SMIM14: variants seen among roughly 807,000 people sequenced by gnomAD.
SMIM14 encodes the protein chromosome 4 open reading frame 34.
Under a neutral mutation model 12.6 loss-of-function variants are expected in SMIM14, and 5 were observed. That is an observed-to-expected ratio of 0.40 (90% CI 0.21 to 0.83). The LOEUF is 0.83. SMIM14 is among the 40% of genes least tolerant of loss of function. SMIM14 has a pLI of 0.37. For synonymous variants in SMIM14, 30 were observed against 40.1 expected (o/e 0.75, Z 0.95); for missense variants, 86 against 119.1 (o/e 0.72, Z 1.29).
At chr4:39,593,098 C>T (rs1191991736) in intron 2 of SMIM14, 1 of 151,290 alleles carries the variant, frequency 6.6e-6, no homozygotes, top group African/African-American at 2.4e-5. Flanking sequence ...GAGACACAAC[C>T]AAAAAAGAGA....
intron 2 of SMIM14, chr4:39,593,500 A>G (rs1198873993): frequency 1.3e-5 from 2 of 152,212 alleles, no homozygotes; most frequent in Non-Finnish European, 2.9e-5. Flanking sequence ...GCACAAGACA[A>G]GGATGCCTTC....
intron 1 of SMIM14, 149 bp from the exon 2 acceptor site, chr4:39,605,329 T>G: frequency 1.9e-6 from 1 of 513,428 alleles, no homozygotes; most frequent in East Asian, 3.3e-5. Context: ...TAATTTATTA[T>G]TAATCTTATA....
At chr4:39,634,856 T>C (rs549153438) in intron 1 of SMIM14, among the ~76,000 whole-genome samples, 134 of 152,210 alleles carry the variant, frequency 8.8e-4, no homozygotes, top group Non-Finnish European at 1.4e-3. Context: ...TGGCCTACAA[T>C]AGACAGTATG....
intron 2 of SMIM14, among the ~76,000 whole-genome samples, chr4:39,601,945 C>G (rs1714630130): frequency 1.7e-5 from 2 of 118,892 alleles, no homozygotes. Flanking sequence ...AAGACCCTAT[C>G]TTAAAAAAAA....
chr4:39,594,455 A>G (rs1264112721), intron 2 of SMIM14: 1 of 151,530 alleles, frequency 6.6e-6, no homozygotes, highest in African/African-American at 2.4e-5. Flanking sequence ...AAACCCTAGA[A>G]GAAAACCTAG....
intron 1 of SMIM14, among the ~76,000 whole-genome samples, chr4:39,618,262 G>A (rs1715295364): frequency 6.6e-6 from 1 of 152,082 alleles, no homozygotes; most frequent in Non-Finnish European, 1.5e-5. Flanking sequence ...ATTCAATCGA[G>A]CCCAACTCAT....
At chr4:39,560,201 CCTT>C (rs1201824193) in intron 3 of SMIM14, among the ~76,000 whole-genome samples, 4 of 152,040 alleles carry the variant, frequency 2.6e-5, no homozygotes, top group South Asian at 2.1e-4. Flanking sequence ...GTTGGACACT[CCTT>C]CATCAATAAT....
At chr4:39,560,944 T>G (rs978291879) in intron 3 of SMIM14, among the ~76,000 whole-genome samples, 1 of 152,166 alleles carries the variant, frequency 6.6e-6, no homozygotes, top group African/African-American at 2.4e-5. Context: ...CCATAACCTC[T>G]TATCTGGTCT....
rs192533559 is a variant in SMIM14 at position 39,574,142 on chromosome 4, T to C, written c.76-1679A>G. Among the ~76,000 whole-genome samples the C allele has an allele frequency of 4.6e-5, 7 of 152,264 alleles. No homozygotes were observed. In the East Asian group the frequency reaches 1.3e-3, roughly 29 times the overall value. On this transcript the variant is annotated intron_variant, in intron 2 of 4. Coordinates refer to ENST00000295958, the MANE Select transcript of SMIM14 (RefSeq NM_174921.3). ...GAGTAGTAATCCACACTTGGAATTG[T>C]TTGGGACGGCAACTATGGTGCAGTA...
chr4:39,623,166 C>T lies in SMIM14; in HGVS notation c.-36+15573G>A, dbSNP rs186979175. Among the ~76,000 whole-genome samples the T allele has an allele frequency of 2.8e-3, 433 of 152,210 alleles. 4 individuals are homozygous for T. The Middle Eastern group carries it at 0.068, about 24-fold the overall frequency. ...CTAAGTATTTTCAGTTAAAGTGATACAATACCTGGGGTCTAGTTTAAAATA... is the reference window on the plus strand; with the variant it reads ...CTAAGTATTTTCAGTTAAAGTGATATAATACCTGGGGTCTAGTTTAAAATA... On this transcript the variant is annotated intron_variant, in intron 1 of 4. Coordinates refer to ENST00000295958, the MANE Select transcript of SMIM14 (RefSeq NM_174921.3).
At chr4:39,604,049 G>A (rs6833494) in intron 2 of SMIM14, among the ~76,000 whole-genome samples, 35,076 of 151,322 alleles carry the variant, frequency 0.23, 5,015 homozygotes, top group Middle Eastern at 0.34. Flanking sequence ...ATAGAGATTC[G>A]TATTGTCATG....
chr4:39,550,865 T>C lies in SMIM14; in HGVS notation c.*1261A>G, dbSNP rs954291875. 6.6e-6 allele frequency: 1 copy of C among 151,980 alleles called. No individual in the cohort carries two copies. The highest frequency in any genetic ancestry group is 1.5e-5 in the Non-Finnish European group (1 of 68,004). 9.4% of individuals were successfully genotyped at this position (151,980 alleles called of 1,614,324 possible). On this transcript the variant is annotated 3_prime_UTR_variant, in exon 5 of 5. Transcript: ENST00000295958. ...ATGTAGTAAATAAGTAAATAGGCAT[T>C]CAAATATCAGTAACCTAACAGGCCC... is the stretch of plus-strand genomic sequence containing the variant.
intron 1 of SMIM14, among the ~76,000 whole-genome samples, chr4:39,625,629 C>T (rs527298738): frequency 3.3e-5 from 5 of 152,200 alleles, no homozygotes; most frequent in South Asian, 2.1e-4. Context: ...TTAGTAGAGA[C>T]GGGGTTTCAC....
intron 2 of SMIM14, chr4:39,589,622 G>A (rs1031177311): frequency 3.9e-5 from 6 of 152,200 alleles, no homozygotes; most frequent in African/African-American, 1.4e-4. Flanking sequence ...TATATGCCAA[G>A]TGACAGCCAG....
chr4:39,601,595 T>C (rs1714613168), intron 2 of SMIM14, among the ~76,000 whole-genome samples: 1 of 152,172 alleles, frequency 6.6e-6, no homozygotes. Flanking sequence ...TAGAGTTCTA[T>C]AAAGCTGTCA....
intron 2 of SMIM14, among the ~76,000 whole-genome samples, chr4:39,584,807 A>AAG (rs1249231506): frequency 4.0e-5 from 6 of 150,268 alleles, no homozygotes; most frequent in Non-Finnish European, 7.4e-5. Context: ...AAAAAAAAAA[A>AAG]AAAAGAAAAA....
At chr4:39,637,926 C>T (rs1716160993) in intron 1 of SMIM14, among the ~76,000 whole-genome samples, 1 of 152,044 alleles carries the variant, frequency 6.6e-6, no homozygotes, top group Non-Finnish European at 1.5e-5. Flanking sequence ...GCTCATCCGA[C>T]TCTCTCGATG....
In SMIM14 at chr4:39,619,859, T is replaced by TA. The variant is rs1491542888; in HGVS notation, c.-35-14680_-35-14679insT. Among the ~76,000 whole-genome samples the TA allele has an allele frequency of 6.5e-4, 35 of 53,824 alleles. 2 individuals carry two copies. The highest frequency in any genetic ancestry group is 4.7e-3 in the African/African-American group (33 of 7,080). 35.3% of individuals were successfully genotyped at this position (53,824 alleles called of 152,430 possible). ...AAATGTATATATATATTTATATATA[T>TA]TTATATATATATATATATTTTTTTT... On this transcript the variant is annotated intron_variant, in intron 1 of 4. Transcript: ENST00000295958.
intron 1 of SMIM14, among the ~76,000 whole-genome samples, chr4:39,626,302 C>T (rs1462563532): frequency 6.6e-6 from 1 of 152,096 alleles, no homozygotes; most frequent in East Asian, 1.9e-4. Context: ...TAGAGTATAC[C>T]AAGTCTTCAT....
Sources: gnomAD v4.1 joint callset for allele counts (sites outside exome capture counted in the v4.1 genomes callset) on GRCh38, gnomAD v4.1.1 for gene constraint, MANE v1.5 for transcripts, NCBI Gene and HGNC (gene_info 2026-07-23, HGNC 2026-07-21) for gene names.